PLEKHA5: variants seen among roughly 807,000 people sequenced by gnomAD.
PLEKHA5 encodes pleckstrin homology domain-containing family A member 5.
PLEKHA5 carries 55 observed loss-of-function variants against 181.9 expected under a neutral mutation model. The ratio of observed to expected loss-of-function variants is 0.30; its 90% CI spans 0.24 to 0.38. The LOEUF (loss-of-function observed/expected upper bound fraction) is 0.38, where lower values mean the gene tolerates loss of function less well. PLEKHA5 is among the 10% of genes least tolerant of loss of function. The pLI is 1.00. For missense variants in PLEKHA5, 1,432 were observed against 1,549.5 expected (o/e 0.92, Z 1.27); for synonymous variants, 535 against 529.4 (o/e 1.01, Z -0.15).
chr12:19,167,624 C>T (rs2044793161), intron 3 of PLEKHA5, among the ~76,000 whole-genome samples: 1 of 151,950 alleles, frequency 6.6e-6, no homozygotes, highest in Admixed American at 6.6e-5. Context: ...TATTTGGCCT[C>T]TACTGTGCAC....
At chr12:19,186,471 A>G (rs540919828) in intron 3 of PLEKHA5, among the ~76,000 whole-genome samples, 35 of 152,352 alleles carry the variant, frequency 2.3e-4, no homozygotes, top group African/African-American at 7.7e-4. Flanking sequence ...ATAGAACAAG[A>G]AAGTTGGATG....
At chr12:19,373,902 T>C (rs2095648987) in intron 31 of PLEKHA5, among the ~76,000 whole-genome samples, 1 of 151,500 alleles carries the variant, frequency 6.6e-6, no homozygotes, top group Non-Finnish European at 1.5e-5. Context: ...CTCAAGTATA[T>C]TTCCAGGTTC....
At chr12:19,357,831 G>GT (rs1294618076) in intron 26 of PLEKHA5, among the ~76,000 whole-genome samples, 1 of 151,784 alleles carries the variant, frequency 6.6e-6, no homozygotes, top group African/African-American at 2.4e-5. Context: ...GTAGAGACGG[G>GT]TTTTTACCAT....
At chr12:19,208,280 C>T (rs918680142) in intron 3 of PLEKHA5, among the ~76,000 whole-genome samples, 2 of 151,800 alleles carry the variant, frequency 1.3e-5, no homozygotes, top group South Asian at 2.1e-4. Context: ...TGGTGGAAGG[C>T]GCCTATAATC....
At chr12:19,321,214 G>C (rs1212718825) in intron 18 of PLEKHA5, among the ~76,000 whole-genome samples, 1 of 151,620 alleles carries the variant, frequency 6.6e-6, no homozygotes, top group Non-Finnish European at 1.5e-5. Flanking sequence ...ACGAATTGCT[G>C]TGTTTTTCAG....
chr12:19,311,075 A>G (rs1408830100), intron 15 of PLEKHA5, among the ~76,000 whole-genome samples: 1 of 152,054 alleles, frequency 6.6e-6, no homozygotes, highest in Non-Finnish European at 1.5e-5. Context: ...TCTTTTCACG[A>G]AAACATTTCT....
chr12:19,352,625 G>C (rs1427563102), intron 25 of PLEKHA5, among the ~76,000 whole-genome samples: 1 of 147,654 alleles, frequency 6.8e-6, no homozygotes, highest in African/African-American at 2.5e-5. Context: ...GTGTTGAGCA[G>C]GCTGGTCTCA....
At chr12:19,136,074 C>T (rs1399882084) in intron 3 of PLEKHA5, among the ~76,000 whole-genome samples, 1 of 152,058 alleles carries the variant, frequency 6.6e-6, no homozygotes, top group East Asian at 1.9e-4. Context: ...TTGAGAGAGA[C>T]AGGGTCTTCC....
chr12:19,331,099 C>G (rs2092788341), intron 20 of PLEKHA5, among the ~76,000 whole-genome samples: 1 of 152,012 alleles, frequency 6.6e-6, no homozygotes, highest in Non-Finnish European at 1.5e-5. Context: ...AGAAGTAAAA[C>G]AGTTTATTAG....
intron 3 of PLEKHA5, among the ~76,000 whole-genome samples, chr12:19,134,951 G>C (rs540995990): frequency 1.3e-5 from 2 of 152,234 alleles, no homozygotes; most frequent in South Asian, 4.1e-4. Flanking sequence ...GAAGAAAGGT[G>C]GTTATTGATC....
At chr12:19,298,408 CTTTTTT>C (rs533661916) in intron 15 of PLEKHA5, among the ~76,000 whole-genome samples, 2 of 106,334 alleles carry the variant, frequency 1.9e-5, no homozygotes, top group Non-Finnish European at 3.9e-5. Context: ...ATTTTTTTAG[CTTTTTT>C]TTTTTTTTTT....
At chr12:19,362,277 T>C (rs2095273147) in intron 29 of PLEKHA5, among the ~76,000 whole-genome samples, 1 of 151,738 alleles carries the variant, frequency 6.6e-6, no homozygotes, top group Non-Finnish European at 1.5e-5. Flanking sequence ...CTTATGCCTG[T>C]AATCCCAGCA....
chr12:19,153,293 GA>G (rs1428544551), intron 3 of PLEKHA5: 6 of 151,978 alleles, frequency 3.9e-5, no homozygotes, highest in East Asian at 3.9e-4. Flanking sequence ...CATTCATTAA[GA>G]TTTTTTTTCT....
At position 19,167,093 on chromosome 12, in the gene PLEKHA5, T is replaced by G. The variant is rs184335238; in HGVS notation, c.227+34643T>G. Among the ~76,000 whole-genome samples, 8 of 152,312 alleles carry G rather than the reference T, an allele frequency of 5.3e-5. No homozygotes were observed. In the East Asian group the frequency reaches 1.5e-3, roughly 29 times the overall value. On this transcript the variant is annotated intron_variant, in intron 3 of 31. Transcript: ENST00000429027. ...TCCCCACCTCATTATTTACCTGTTGTATCTGTTAAGGATTGTTTCCCTTTT... is the reference window on the plus strand; with the variant it reads ...TCCCCACCTCATTATTTACCTGTTGGATCTGTTAAGGATTGTTTCCCTTTT...
At chr12:19,345,607 TA>T (rs199932073) in intron 22 of PLEKHA5, among the ~76,000 whole-genome samples, 1 of 150,618 alleles carries the variant, frequency 6.6e-6, no homozygotes, top group Non-Finnish European at 1.5e-5. Flanking sequence ...CTACTAAAAA[TA>T]AAAAAAATCA....
chr12:19,357,087 C>T (rs924332807), intron 26 of PLEKHA5, among the ~76,000 whole-genome samples: 2 of 151,958 alleles, frequency 1.3e-5, no homozygotes, highest in Non-Finnish European at 2.9e-5. Context: ...TAAAACATTA[C>T]GTTTTCATCA....
At chr12:19,269,216 C>T (rs1159121274) in intron 8 of PLEKHA5, among the ~76,000 whole-genome samples, 12 of 151,814 alleles carry the variant, frequency 7.9e-5, no homozygotes, top group Non-Finnish European at 1.0e-4. Flanking sequence ...GGCAAAACCC[C>T]GTCTCTACTA....
chr12:19,265,623 G>C lies in PLEKHA5; in HGVS notation c.611-127G>C, dbSNP rs1279030642. The C allele has an allele frequency of 2.5e-5, 15 of 596,842 alleles. No individual in the cohort carries two copies. In the East Asian group the frequency reaches 3.6e-4, roughly 14 times the overall value. The allele number at this position is 596,842 out of a possible 1,614,324, so 37.0% of individuals were successfully genotyped here. On this transcript the variant is annotated intron_variant, in intron 7 of 31. Transcript: ENST00000429027. ...TATTTTCATTTAAAACCTTATAAAG[G>C]CCTGCCTGAACATGAATATAGTTCA...
chr12:19,207,300 C>G (rs915561193), intron 3 of PLEKHA5: 1 of 151,142 alleles, frequency 6.6e-6, no homozygotes, highest in African/African-American at 2.4e-5. Flanking sequence ...CTTCATAGAT[C>G]AATAGAAGAG....
Sources: allele counts gnomAD v4.1 joint callset (sites outside exome capture counted in the v4.1 genomes callset), GRCh38; gene constraint gnomAD v4.1.1; transcripts MANE v1.5; gene names NCBI Gene and HGNC (gene_info 2026-07-23, HGNC 2026-07-21).